RAB8A: variants seen among roughly 807,000 people sequenced by gnomAD.
RAB8A encodes the protein ras-related protein Rab-8A.
RAB8A carries 5 observed loss-of-function variants against 29.2 expected under a neutral mutation model. The ratio of observed to expected loss-of-function variants is 0.17; its 90% confidence interval spans 0.09 to 0.36. The LOEUF (loss-of-function observed/expected upper bound fraction) is 0.36. Among genes scored for constraint, RAB8A ranks in the 10% least tolerant of loss-of-function variants. The pLI, the probability that RAB8A is intolerant of heterozygous loss-of-function variation, is 1.00. For missense variants in RAB8A, 171 were observed against 272.2 expected, an observed-to-expected ratio of 0.63 and a Z score of 2.62; for synonymous variants, 108 against 99.9, an observed-to-expected ratio of 1.08 and a Z score of -0.49.
At chr19:16,120,116 A>G (rs1333520671) in intron 2 of RAB8A, among the ~76,000 whole-genome samples, 1 of 151,526 alleles carries the variant, frequency 6.6e-6, no homozygotes, top group Non-Finnish European at 1.5e-5. Context: ...CCTGGCAAAA[A>G]TGACTGTTTT....
In RAB8A at chr19:16,125,981, G is replaced by A. The variant is rs2090899394; in HGVS notation, c.324+434G>A. The A allele has an allele frequency of 3.3e-6, 1 of 299,984 alleles. No homozygotes were observed. Among genetic ancestry groups the A allele is most frequent in the African/African-American group, 2.2e-5 (1 of 46,412 alleles). 18.6% of individuals were successfully genotyped at this position (299,984 alleles called of 1,614,324 possible). ...ACCTGGTACAAACGACCTGTGTTCA[G>A]ACCTTGAACCATAGAGCAGTGAGAA... On this transcript the variant is annotated intron_variant, in intron 4 of 7. Transcript: ENST00000300935. The surrounding 1 kb of genome is among the most constrained non-coding windows in gnomAD (Gnocchi z 5.0).
chr19:16,119,978 T>A (rs2090866607), intron 2 of RAB8A, among the ~76,000 whole-genome samples: 1 of 151,854 alleles, frequency 6.6e-6, no homozygotes, highest in Non-Finnish European at 1.5e-5. Flanking sequence ...CACGCTCGGC[T>A]AATTTTGTAT....
chr19:16,115,358 G>A (rs2090841916), intron 1 of RAB8A, among the ~76,000 whole-genome samples: 1 of 152,032 alleles, frequency 6.6e-6, no homozygotes, highest in South Asian at 2.1e-4. Context: ...CAAGGATTGA[G>A]TGGCTATTCA....
intron 6 of RAB8A, among the ~76,000 whole-genome samples, chr19:16,128,440 G>C (rs932975280): frequency 6.6e-6 from 1 of 152,126 alleles, no homozygotes; most frequent in African/African-American, 2.4e-5. Flanking sequence ...ACTCACCCTG[G>C]AGAGGCCCCT....
At chr19:16,131,116 G>A (rs1041603306) in intron 7 of RAB8A, among the ~76,000 whole-genome samples, 3 of 151,934 alleles carry the variant, frequency 2.0e-5, no homozygotes, top group South Asian at 2.1e-4. Flanking sequence ...GGGCCACCCC[G>A]CCTGGCCATT....
intron 2 of RAB8A, among the ~76,000 whole-genome samples, chr19:16,119,422 C>T (rs1001235546): frequency 3.3e-5 from 5 of 152,058 alleles, no homozygotes; most frequent in Admixed American, 6.6e-5. Flanking sequence ...TCAGGCTGGT[C>T]TCCAACTCCC....
chr19:16,128,131 G>C, intron 6 of RAB8A, 40 bp downstream of exon 6: 1 of 1,600,446 alleles, frequency 6.2e-7, no homozygotes, highest in Non-Finnish European at 8.6e-7. Flanking sequence ...GGGCCTGCAG[G>C]ATCGGCCCCT....
chr19:16,119,853 G>A (rs2090865792), intron 2 of RAB8A, among the ~76,000 whole-genome samples: 1 of 150,206 alleles, frequency 6.7e-6, no homozygotes, highest in Non-Finnish European at 1.5e-5. Context: ...TGCTCTTGTT[G>A]CCCAGGCTGG....
At chr19:16,118,462 T>G in intron 2 of RAB8A, among the ~76,000 whole-genome samples, 176 bp downstream of exon 2, 1 of 152,202 alleles carries the variant, frequency 6.6e-6, no homozygotes, top group Non-Finnish European at 1.5e-5. Flanking sequence ...CCCAGAGAGC[T>G]GTCCTCTGCT....
rs1473638131 is a variant in RAB8A, at chr19:16,127,943, C to T, written c.415-83C>T. On this transcript the variant is annotated intron_variant, in intron 5 of 7. Coordinates refer to ENST00000300935, the MANE Select transcript of RAB8A (RefSeq NM_005370.5). The surrounding 1 kb of genome is among the most constrained non-coding windows in gnomAD (Gnocchi z 4.8). ...TGTTGCTGCTCCCTCTTGGCGCCGGCCCTGCCTTCAGCTCCTGTTTTAGGC... is the reference window on the plus strand; with the variant it reads ...TGTTGCTGCTCCCTCTTGGCGCCGGTCCTGCCTTCAGCTCCTGTTTTAGGC... 9 of 1,440,458 alleles carry T rather than the reference C, an allele frequency of 6.2e-6. No individual in the cohort carries two copies. Among genetic ancestry groups the T allele is most frequent in the Non-Finnish European group, 8.8e-6 (9 of 1,023,524 alleles). 89.2% of individuals were successfully genotyped at this position (1,440,458 alleles called of 1,614,324 possible).
At chr19:16,123,140 C>G (rs927890743) in intron 3 of RAB8A, among the ~76,000 whole-genome samples, 1 of 152,160 alleles carries the variant, frequency 6.6e-6, no homozygotes, top group Non-Finnish European at 1.5e-5. Flanking sequence ...TGGCCTGCCC[C>G]GCTGAAGTTC....
chr19:16,114,465 C>T (rs1327624162), intron 1 of RAB8A, among the ~76,000 whole-genome samples: 3 of 149,712 alleles, frequency 2.0e-5, no homozygotes, highest in African/African-American at 7.4e-5. Context: ...CAACTTCCAC[C>T]TCCCAGGTTC....
chr19:16,129,671 G>C, intron 7 of RAB8A, 67 bp downstream of exon 7: 1 of 1,474,156 alleles, frequency 6.8e-7, no homozygotes, highest in Non-Finnish European at 9.5e-7. Flanking sequence ...GTTAGCAGCA[G>C]TGATATGACG....
At chr19:16,128,923 G>A (rs1003973408) in intron 6 of RAB8A, among the ~76,000 whole-genome samples, 2 of 152,240 alleles carry the variant, frequency 1.3e-5, no homozygotes, top group Non-Finnish European at 2.9e-5. Flanking sequence ...TCATGGGGAT[G>A]TATGTTGGGA....
intron 1 of RAB8A, among the ~76,000 whole-genome samples, chr19:16,113,347 G>A (rs1174028765): frequency 6.6e-6 from 1 of 152,174 alleles, no homozygotes; most frequent in Non-Finnish European, 1.5e-5. Flanking sequence ...TGAACCCCAA[G>A]ATAATGTGCT....
intron 1 of RAB8A, among the ~76,000 whole-genome samples, chr19:16,115,770 CT>C (rs1005036923): frequency 2.6e-5 from 4 of 152,190 alleles, no homozygotes; most frequent in African/African-American, 9.6e-5. Flanking sequence ...TGTTCAGTCA[CT>C]GGAGGTAATA....
chr19:16,115,381 C>T (rs2090841975), intron 1 of RAB8A, among the ~76,000 whole-genome samples: 1 of 152,114 alleles, frequency 6.6e-6, no homozygotes, highest in Admixed American at 6.5e-5. Context: ...TTCTGCCACT[C>T]AATCCTTAAC....
chr19:16,129,154 A>G (rs558341190), intron 6 of RAB8A, among the ~76,000 whole-genome samples: 1 of 132,956 alleles, frequency 7.5e-6, no homozygotes, highest in Non-Finnish European at 1.7e-5. Flanking sequence ...AGAACTGGGC[A>G]CTCCTAGATC....
At chr19:16,131,185 G>A (rs983895453) in intron 7 of RAB8A, among the ~76,000 whole-genome samples, 12 of 152,160 alleles carry the variant, frequency 7.9e-5, no homozygotes, top group African/African-American at 2.9e-4. Context: ...AAACTCCTGG[G>A]CTCAAGCAGT....
Sources: allele counts gnomAD v4.1 joint callset (sites outside exome capture counted in the v4.1 genomes callset), GRCh38; gene constraint gnomAD v4.1.1; non-coding constraint Gnocchi (gnomAD v3.1); transcripts MANE v1.5; gene names NCBI Gene and HGNC (gene_info 2026-07-23, HGNC 2026-07-21).